Variants in BUB1B observed in about 807,000 individuals in gnomAD.
The protein encoded by BUB1B is BUB1 mitotic checkpoint serine/threonine kinase B, also known as mitotic checkpoint serine/threonine-protein kinase BUB1 beta.
Under a neutral mutation model 137.7 loss-of-function variants are expected in BUB1B, and 86 were observed. The observed-to-expected ratio is 0.62, with a 90% confidence interval of 0.52 to 0.75. BUB1B has a LOEUF of 0.75. Among genes scored for constraint, BUB1B ranks in the 30% least tolerant of loss-of-function variants. The pLI, the probability that BUB1B is intolerant of heterozygous loss-of-function variation, is 0.00. For synonymous variants in BUB1B, 420 were observed against 417.9 expected (o/e 1.00, Z -0.06); for missense variants, 1,130 against 1,236.9 (o/e 0.91, Z 1.30).
chr15:40,210,728 A>T (rs2037700883), intron 18 of BUB1B, among the ~76,000 whole-genome samples: 1 of 152,106 alleles, frequency 6.6e-6, no homozygotes, highest in African/African-American at 2.4e-5. Context: ...CTGGTCTTGA[A>T]TTCATGGCTC....
chr15:40,218,050 TAA>T (rs2037824240), intron 21 of BUB1B, among the ~76,000 whole-genome samples: 1 of 152,238 alleles, frequency 6.6e-6, no homozygotes, highest in Admixed American at 6.5e-5. Context: ...AGCACAAATG[TAA>T]AGTCTTTTGT....
chr15:40,212,401 T>C (rs1469613941), intron 18 of BUB1B, 98 bp from the exon 19 acceptor site: 2 of 913,996 alleles, frequency 2.2e-6, no homozygotes, highest in Non-Finnish European at 3.5e-6. Flanking sequence ...ATCTCTTTAT[T>C]ATTTCTCTAT....
In BUB1B at chr15:40,213,407, G is replaced by T. The variant is rs1291840067; in HGVS notation, c.2611G>T (p.Glu871Ter). The change falls in exon 20 of 23, where the codon GAG becomes TAG. Residue 871 changes from glutamate (E) to a stop codon, truncating the protein, a stop_gained. Coordinates refer to ENST00000287598, the MANE Select transcript of BUB1B (RefSeq NM_001211.6). LOFTEE classifies it high-confidence loss of function. ...LIIYNLLTIV[E>*]MLHKAEIVHG... ...TATTTATAACCTTTTGACAATAGTG[G>T]AGATGCTACACAAAGCAGAAATAGT... 1 of 1,613,904 alleles carries T rather than the reference G, an allele frequency of 6.2e-7. No individual in the cohort carries two copies. The highest frequency in any genetic ancestry group is 1.3e-5 in the African/African-American group (1 of 74,924).
At chr15:40,189,094 G>T (rs1753896459) in intron 8 of BUB1B, among the ~76,000 whole-genome samples, 1 of 151,800 alleles carries the variant, frequency 6.6e-6, no homozygotes, top group Non-Finnish European at 1.5e-5. Context: ...TTTCTCTATA[G>T]ATAATTTACC....
intron 8 of BUB1B, among the ~76,000 whole-genome samples, chr15:40,196,070 G>A (rs565149219): frequency 1.3e-5 from 2 of 152,256 alleles, no homozygotes; most frequent in Admixed American, 1.3e-4. Context: ...CAATGTCTAG[G>A]AGGGTTTTTC....
chr15:40,208,810 C>T (rs765646189), intron 16 of BUB1B, 40 bp downstream of exon 16: 35 of 1,574,200 alleles, frequency 2.2e-5, no homozygotes, highest in South Asian at 3.3e-5. Context: ...CTAGTGAACA[C>T]TTGTTTATCT....
chr15:40,190,055 C>T (rs763820431), intron 8 of BUB1B, among the ~76,000 whole-genome samples: 10 of 152,162 alleles, frequency 6.6e-5, no homozygotes, highest in Non-Finnish European at 1.0e-4. Flanking sequence ...CTTTGGATTA[C>T]AGTAGTCCCT....
intron 15 of BUB1B, among the ~76,000 whole-genome samples, chr15:40,208,174 CAA>C (rs2037661031): frequency 6.7e-6 from 1 of 150,120 alleles, no homozygotes; most frequent in South Asian, 2.1e-4. Flanking sequence ...AAATTGATAA[CAA>C]ATTATAAATT....
chr15:40,162,308 T>C (rs2037051016), intron 1 of BUB1B, among the ~76,000 whole-genome samples: 1 of 152,194 alleles, frequency 6.6e-6, no homozygotes, highest in Non-Finnish European at 1.5e-5. Flanking sequence ...AAAAGGATAT[T>C]ATGTAAAAAT....
intron 1 of BUB1B, among the ~76,000 whole-genome samples, chr15:40,161,978 A>G (rs1383670930): frequency 6.6e-6 from 1 of 152,220 alleles, no homozygotes; most frequent in Non-Finnish European, 1.5e-5. Context: ...ACCCTCATGA[A>G]GCTTAAGTTC....
At chr15:40,170,707 A>T (rs1395455750) in intron 4 of BUB1B, 26 bp downstream of exon 4, 1 of 1,608,108 alleles carries the variant, frequency 6.2e-7, no homozygotes, top group Non-Finnish European at 8.5e-7. Flanking sequence ...GTGCCATCTG[A>T]GTTTTAAATA....
At chr15:40,166,792 C>T (rs1163123377) in intron 2 of BUB1B, among the ~76,000 whole-genome samples, 1 of 152,184 alleles carries the variant, frequency 6.6e-6, no homozygotes, top group Non-Finnish European at 1.5e-5. Context: ...CAAATCCACT[C>T]CAGTATTTGG....
intron 13 of BUB1B, 25 bp downstream of exon 13, chr15:40,202,490 GT>G (rs748781169): frequency 2.6e-5 from 41 of 1,595,346 alleles, no homozygotes; most frequent in Admixed American, 5.1e-5. Flanking sequence ...TGTTTTTTTG[GT>G]TTTTTTTTAC....
rs893767898 is a variant in BUB1B at position 40,169,609 on chromosome 15, CTTTTTTTTTT to C, written c.180-440_180-431del. Reference sequence around the variant, plus strand: ...AAGTAGAATCTTAATTATTTCTATTCTTTTTTTTTTTTTTTTTTTTTTGAGACAGAGTCTT... The same window carrying C: ...AAGTAGAATCTTAATTATTTCTATTCTTTTTTTTTTTTGAGACAGAGTCTT... On this transcript the variant is annotated intron_variant, in intron 2 of 22. Transcript: ENST00000287598. 3.1e-5 allele frequency among the ~76,000 whole-genome samples: 3 copies of C among 96,950 alleles called. No homozygotes were observed. The Admixed American group carries it at 3.5e-4, about 11-fold the overall frequency. 63.6% of individuals were successfully genotyped at this position (96,950 alleles called of 152,430 possible). A position where few individuals can be genotyped will look rare whatever the true frequency, so the allele number is the denominator to read the frequency against.
intron 12 of BUB1B, among the ~76,000 whole-genome samples, 188 bp downstream of exon 12, chr15:40,201,168 C>T (rs1191239024): frequency 6.6e-6 from 1 of 152,274 alleles, no homozygotes; most frequent in South Asian, 2.1e-4. Context: ...AAAGATTCCT[C>T]AGTGCTTCAA....
chr15:40,171,923 A>C (rs1285869660), intron 4 of BUB1B, among the ~76,000 whole-genome samples: 1 of 152,148 alleles, frequency 6.6e-6, no homozygotes, highest in Non-Finnish European at 1.5e-5. Flanking sequence ...TTTATTCTAA[A>C]ATAAATTTAA....
chr15:40,187,765 C>G (rs1399660535), intron 8 of BUB1B, among the ~76,000 whole-genome samples: 3 of 151,880 alleles, frequency 2.0e-5, no homozygotes, highest in Non-Finnish European at 4.4e-5. Context: ...AAAAATTAGC[C>G]AAGTGCAGTG....
intron 8 of BUB1B, among the ~76,000 whole-genome samples, chr15:40,190,422 A>G (rs765173811): frequency 6.6e-6 from 1 of 152,006 alleles, no homozygotes; most frequent in Non-Finnish European, 1.5e-5. Context: ...GACCAGCCTG[A>G]GCAATATAGT....
chr15:40,187,699 A>G (rs1349843530), intron 8 of BUB1B, among the ~76,000 whole-genome samples: 1 of 152,124 alleles, frequency 6.6e-6, no homozygotes, highest in Non-Finnish European at 1.5e-5. Flanking sequence ...GCTTGAGCCC[A>G]GGAGTTCAAG....
Sources: allele counts gnomAD v4.1 joint callset (sites outside exome capture counted in the v4.1 genomes callset), GRCh38; gene constraint gnomAD v4.1.1; transcripts MANE v1.5; gene names NCBI Gene and HGNC (gene_info 2026-07-23, HGNC 2026-07-21).